CECR2: variants seen among roughly 807,000 people sequenced by gnomAD.
CECR2 encodes the protein CECR2 histone acetyl-lysine reader.
In CECR2, 30 loss-of-function variants were observed where a neutral mutation model predicts 154.5. The ratio of observed to expected loss-of-function variants is 0.19; its 90% CI spans 0.15 to 0.26. The LOEUF is 0.26. Ranked by LOEUF, CECR2 falls within the 10% of genes least tolerant of loss-of-function variation. CECR2 has a pLI of 1.00. For synonymous variants in CECR2, 725 were observed against 683.7 expected, an observed-to-expected ratio of 1.06 and a Z score of -0.94; for missense variants, 1,743 against 1,829.3, an observed-to-expected ratio of 0.95 and a Z score of 0.86.
chr22:17,523,251 C>T (rs901195671), intron 8 of CECR2, among the ~76,000 whole-genome samples: 2 of 151,652 alleles, frequency 1.3e-5, no homozygotes, highest in Non-Finnish European at 2.9e-5. Flanking sequence ...GGCGTGGTCG[C>T]AGGTACCCTG....
intron 1 of CECR2, chr22:17,419,454 TC>T (rs1175359796): frequency 5.1e-6 from 1 of 195,606 alleles, no homozygotes. Flanking sequence ...GTGATGAGGA[TC>T]CCCCACGCCT....
chr22:17,491,205 T>G (rs2146847421), intron 2 of CECR2, among the ~76,000 whole-genome samples: 1 of 152,282 alleles, frequency 6.6e-6, no homozygotes, highest in Middle Eastern at 3.4e-3. Flanking sequence ...GTGGATGTGT[T>G]TTCCTTTTCT....
At chr22:17,439,782 C>A (rs996793797) in intron 1 of CECR2, among the ~76,000 whole-genome samples, 2 of 152,106 alleles carry the variant, frequency 1.3e-5, no homozygotes, top group African/African-American at 2.4e-5. Context: ...GTGCAATGGA[C>A]AAGGAATGTC....
chr22:17,389,910 G>T (rs909116466), intron 1 of CECR2, among the ~76,000 whole-genome samples: 21 of 152,172 alleles, frequency 1.4e-4, no homozygotes, highest in African/African-American at 5.1e-4. Context: ...TTACAGGCAT[G>T]AGCCACTGTG....
chr22:17,458,829 T>C (rs890325906), intron 1 of CECR2, among the ~76,000 whole-genome samples: 2 of 152,300 alleles, frequency 1.3e-5, no homozygotes, highest in Admixed American at 1.3e-4. Context: ...GTTTACTGTT[T>C]GTATTACTCT....
intron 16 of CECR2, among the ~76,000 whole-genome samples, chr22:17,545,299 C>T (rs774418546): frequency 6.8e-5 from 9 of 133,252 alleles, no homozygotes; most frequent in Admixed American, 9.3e-5. Flanking sequence ...CACTTGAACC[C>T]GGGAGGCGGA....
chr22:17,446,742 T>C (rs947958787), intron 1 of CECR2, among the ~76,000 whole-genome samples: 1 of 133,842 alleles, frequency 7.5e-6, no homozygotes, highest in Non-Finnish European at 1.5e-5. Context: ...AAAAAGGTGG[T>C]GCAGACACAA....
At chr22:17,420,055 T>C (rs974922691) in intron 1 of CECR2, among the ~76,000 whole-genome samples, 4 of 152,176 alleles carry the variant, frequency 2.6e-5, no homozygotes, top group African/African-American at 9.7e-5. Flanking sequence ...ATTGGATGTA[T>C]TTACAGCTGT....
intron 1 of CECR2, among the ~76,000 whole-genome samples, chr22:17,441,598 AC>A (rs2054585866): frequency 7.7e-6 from 1 of 130,478 alleles, no homozygotes; most frequent in African/African-American, 3.8e-5. Context: ...TACTCTGTGG[AC>A]CCCACCCCCC....
At chr22:17,387,670 A>G (rs1440263559) in intron 1 of CECR2, among the ~76,000 whole-genome samples, 1 of 152,128 alleles carries the variant, frequency 6.6e-6, no homozygotes, top group East Asian at 1.9e-4. Flanking sequence ...GTACTTTTCT[A>G]TATGCTTCTG....
intron 1 of CECR2, among the ~76,000 whole-genome samples, chr22:17,450,156 AG>A (rs2054745349): frequency 6.6e-6 from 1 of 152,250 alleles, no homozygotes. Flanking sequence ...CTTTTCTAAC[AG>A]GGAATCTGAA....
chr22:17,552,245 T>A, intron 18 of CECR2, 103 bp downstream of exon 18: 5 of 1,029,286 alleles, frequency 4.9e-6, no homozygotes, highest in Non-Finnish European at 7.2e-6. Flanking sequence ...AGGTATCCTG[T>A]GGATACAGGA....
chr22:17,513,825 CCATAACTTAACACTTCAGA>C (rs2056003565), intron 8 of CECR2, among the ~76,000 whole-genome samples: 1 of 152,190 alleles, frequency 6.6e-6, no homozygotes, highest in Non-Finnish European at 1.5e-5. Flanking sequence ...TTCCTAGATG[CCATAACTTAACACTTCAGA>C]CTGCATAGCA....
intron 8 of CECR2, among the ~76,000 whole-genome samples, chr22:17,521,187 A>G (rs2056151221): frequency 6.6e-6 from 1 of 152,118 alleles, no homozygotes; most frequent in Admixed American, 6.6e-5. Flanking sequence ...TTCTCTGATG[A>G]CCAGTGATGA....
chr22:17,535,744 T>A (rs1054886200), intron 9 of CECR2, among the ~76,000 whole-genome samples: 21 of 152,054 alleles, frequency 1.4e-4, no homozygotes, highest in African/African-American at 5.1e-4. Flanking sequence ...AAAAAAATAA[T>A]TTTTAAAAAT....
chr22:17,499,329 A>T lies in CECR2; in HGVS notation c.406-81A>T, dbSNP rs561640007. On this transcript the variant is annotated intron_variant, in intron 3 of 18. Transcript: ENST00000262608. The stretch of plus-strand genomic sequence containing the variant: ...TAGATTTGAGTTATGCTTACGTGTA[A>T]ATTTGGAATCCTCGTTCTGGTTTTT... 76 of 1,520,060 alleles carry T rather than the reference A, an allele frequency of 5.0e-5. No individual in the cohort carries two copies. In the South Asian group the frequency reaches 8.9e-4, roughly 18 times the overall value. The allele number at this position is 1,520,060 out of a possible 1,614,324, so 94.2% of individuals were successfully genotyped here. A position where few individuals can be genotyped will look rare whatever the true frequency, so the allele number is the denominator to read the frequency against.
intron 1 of CECR2, among the ~76,000 whole-genome samples, chr22:17,459,183 A>C (rs982669824): frequency 1.3e-5 from 2 of 152,202 alleles, no homozygotes; most frequent in African/African-American, 4.8e-5. Flanking sequence ...TACAGTAAGA[A>C]CCTGCAGGGT....
intron 1 of CECR2, among the ~76,000 whole-genome samples, chr22:17,376,159 T>G (rs1414952296): frequency 2.0e-5 from 3 of 152,114 alleles, no homozygotes; most frequent in African/African-American, 7.2e-5. Context: ...ATGTAACTCT[T>G]TAAAAGTGAA....
intron 1 of CECR2, among the ~76,000 whole-genome samples, chr22:17,425,291 T>G (rs2146616480): frequency 6.6e-6 from 1 of 152,246 alleles, no homozygotes; most frequent in East Asian, 1.9e-4. Context: ...AATATGTATG[T>G]AGCAGCACCC....
Sources: allele counts gnomAD v4.1 joint callset (sites outside exome capture counted in the v4.1 genomes callset), GRCh38; gene constraint gnomAD v4.1.1; transcripts MANE v1.5; gene names NCBI Gene and HGNC (gene_info 2026-07-23, HGNC 2026-07-21).